STX18: variants seen among roughly 807,000 people sequenced by gnomAD.
STX18 encodes syntaxin-18.
A neutral mutation model predicts 50.1 loss-of-function variants in STX18; 40 were observed. That is an observed-to-expected ratio of 0.80 (90% CI 0.62 to 1.04). The LOEUF is 1.04. STX18 is among the 50% of genes least tolerant of loss of function. The pLI is 0.00. For synonymous variants in STX18, 158 were observed against 151.8 expected, an observed-to-expected ratio of 1.04 and a Z score of -0.30; for missense variants, 410 against 415.8, an observed-to-expected ratio of 0.99 and a Z score of 0.12.
intron 7 of STX18, 38 bp from the exon 8 acceptor site, chr4:4,425,260 T>C: frequency 1.3e-6 from 2 of 1,581,372 alleles, no homozygotes; most frequent in Non-Finnish European, 1.7e-6. Flanking sequence ...GACATCATAC[T>C]GAACTTAGGC....
chr4:4,494,626 T>C (rs1729088949), intron 1 of STX18, among the ~76,000 whole-genome samples: 1 of 152,210 alleles, frequency 6.6e-6, no homozygotes, highest in Non-Finnish European at 1.5e-5. Flanking sequence ...TAACTATCCT[T>C]GTTCTTCCCC....
At position 4,457,482 on chromosome 4, in the gene STX18, G is replaced by C. The variant is rs747322825; in HGVS notation, c.371C>G (p.Ser124Cys). ...GGTCCTGTGCTCCTTCACTTGCTGG[G>C]AATGTATCTCCTTGTGAGCTGTAAC... ...LRTEAHKEIHSQQVKEHRTAV... is the reference protein window; with the variant it reads ...LRTEAHKEIHCQQVKEHRTAV... The change falls in exon 4 of 11, where the codon TCC becomes TGC. Residue 124 changes from serine to cysteine, a missense_variant. Transcript: ENST00000306200. 6.2e-7 allele frequency: 1 copy of C among 1,613,878 alleles called. No individual in the cohort carries two copies. The highest frequency in any genetic ancestry group is 8.5e-7 in the Non-Finnish European group (1 of 1,179,934).
At chr4:4,490,721 C>G (rs1159735870) in intron 1 of STX18, among the ~76,000 whole-genome samples, 2 of 152,138 alleles carry the variant, frequency 1.3e-5, no homozygotes, top group Non-Finnish European at 2.9e-5. Flanking sequence ...CATGTTCAGG[C>G]TGAAGAATTC....
chr4:4,511,451 A>C (rs1351536933), intron 1 of STX18, among the ~76,000 whole-genome samples: 1 of 152,318 alleles, frequency 6.6e-6, no homozygotes, highest in Non-Finnish European at 1.5e-5. Context: ...TAATCGTAAA[A>C]CAAATCTTAG....
intron 8 of STX18, 163 bp from the exon 9 acceptor site, chr4:4,423,750 C>T (rs1725091500): frequency 1.5e-6 from 1 of 672,036 alleles, no homozygotes. Flanking sequence ...AAGGCGAACT[C>T]TCCTTACTGG....
chr4:4,528,620 G>A (rs1443439217), intron 1 of STX18, among the ~76,000 whole-genome samples: 2 of 152,210 alleles, frequency 1.3e-5, no homozygotes, highest in East Asian at 3.9e-4. Flanking sequence ...TTATGGCAAT[G>A]CAAAAAATGA....
chr4:4,467,750 T>A (rs1047852231), intron 2 of STX18, among the ~76,000 whole-genome samples: 34 of 15,866 alleles, frequency 2.1e-3, no homozygotes, highest in Admixed American at 2.6e-3. Flanking sequence ...GCATGGGGGG[T>A]GGGTGGGAGG....
intron 1 of STX18, among the ~76,000 whole-genome samples, chr4:4,483,079 A>G (rs902168827): frequency 6.6e-6 from 1 of 152,168 alleles, no homozygotes; most frequent in Non-Finnish European, 1.5e-5. Flanking sequence ...TACTGCAGAG[A>G]GTCTCAAGTA....
Position 4,471,696 on chromosome 4 carries a change from A to G in STX18, c.179T>C (p.Ile60Thr). 2 of 1,584,904 alleles carry G rather than the reference A, an allele frequency of 1.3e-6. No individual in the cohort carries two copies. Among genetic ancestry groups the G allele is most frequent in the East Asian group, 2.3e-5 (1 of 44,404 alleles). ...SSRAREVISHIGKLRDFLLEH... is the reference protein window; with the variant it reads ...SSRAREVISHTGKLRDFLLEH... ...CAGAAGAAAATCTCTCAGTTTGCCA[A>G]TGTGAGAAATCTAAAATTAAAAAAG... is the stretch of plus-strand genomic sequence containing the variant. The change falls in exon 2 of 11, where the codon ATT (isoleucine) becomes ACT (threonine). Residue 60 changes from isoleucine to threonine, a missense_variant. Ile to Thr is a moderately conservative substitution (Grantham distance 89). Transcript: ENST00000306200.
intron 2 of STX18, among the ~76,000 whole-genome samples, chr4:4,467,918 G>A (rs901202619): frequency 7.9e-5 from 12 of 152,150 alleles, no homozygotes; most frequent in African/African-American, 2.4e-4. Context: ...TGTAATGGAA[G>A]TCAAGGGAAT....
At chr4:4,472,882 A>C (rs1727991352) in intron 1 of STX18, among the ~76,000 whole-genome samples, 1 of 152,238 alleles carries the variant, frequency 6.6e-6, no homozygotes, top group Non-Finnish European at 1.5e-5. Flanking sequence ...TAAATTTCCC[A>C]CATAGTCTAG....
At chr4:4,451,268 T>C (rs1044100433) in intron 5 of STX18, among the ~76,000 whole-genome samples, 4 of 152,190 alleles carry the variant, frequency 2.6e-5, no homozygotes, top group Admixed American at 6.5e-5. Context: ...AAAGAGAACA[T>C]AAAGAGACAG....
intron 5 of STX18, among the ~76,000 whole-genome samples, chr4:4,447,898 A>T (rs1365135360): frequency 6.6e-6 from 1 of 152,198 alleles, no homozygotes; most frequent in African/African-American, 2.4e-5. Context: ...AAAACTGCTG[A>T]ACCAACCCAT....
chr4:4,529,514 A>G (rs1261525299), intron 1 of STX18, among the ~76,000 whole-genome samples: 1 of 151,350 alleles, frequency 6.6e-6, no homozygotes, highest in Non-Finnish European at 1.5e-5. Flanking sequence ...AGATGATGTG[A>G]TAACATACTA....
chr4:4,516,048 T>A (rs1730252801), intron 1 of STX18, among the ~76,000 whole-genome samples: 1 of 151,634 alleles, frequency 6.6e-6, no homozygotes, highest in Non-Finnish European at 1.5e-5. Context: ...AAAATAAAAT[T>A]AGATATAAAT....
chr4:4,438,068 C>A (rs1373793604), intron 6 of STX18, among the ~76,000 whole-genome samples: 3 of 152,226 alleles, frequency 2.0e-5, no homozygotes, highest in African/African-American at 7.2e-5. Context: ...CAGGGCATGG[C>A]TGCCAGGGAG....
intron 1 of STX18, among the ~76,000 whole-genome samples, chr4:4,494,045 T>C (rs1322714862): frequency 2.0e-5 from 3 of 152,198 alleles, no homozygotes; most frequent in African/African-American, 4.8e-5. Flanking sequence ...TGGTATCCTT[T>C]AGGATTTTAT....
At chr4:4,538,683 G>A (rs1269060904) in intron 1 of STX18, among the ~76,000 whole-genome samples, 1 of 152,050 alleles carries the variant, frequency 6.6e-6, no homozygotes, top group Non-Finnish European at 1.5e-5. Context: ...GAGTTAAGTA[G>A]GGTATTATCA....
At chr4:4,498,045 G>C (rs200549933) in intron 1 of STX18, among the ~76,000 whole-genome samples, 13 of 152,100 alleles carry the variant, frequency 8.5e-5, no homozygotes, top group Non-Finnish European at 1.9e-4. Flanking sequence ...GTTTTCCTTC[G>C]TACTAAAAAC....
Sources: gnomAD v4.1 joint callset for allele counts (sites outside exome capture counted in the v4.1 genomes callset) on GRCh38, gnomAD v4.1.1 for gene constraint, MANE v1.5 for transcripts, NCBI Gene and HGNC (gene_info 2026-07-23, HGNC 2026-07-21) for gene names.